The following MAF variants were observed in gnomAD, a reference collection of about 807,000 sequenced individuals.
MAF encodes MAF bZIP transcription factor, also known as transcription factor Maf.
Under a neutral mutation model 22.0 loss-of-function variants are expected in MAF, and 10 were observed. The observed-to-expected ratio is 0.45, with a 90% CI of 0.28 to 0.77. The LOEUF is 0.77. Ranked by LOEUF, MAF falls within the 30% of genes least tolerant of loss-of-function variation. MAF has a pLI of 0.12. For missense variants in MAF, 544 were observed against 548.4 expected (o/e 0.99, Z 0.08); for synonymous variants, 337 against 255.8 (o/e 1.32, Z -3.03).
chr16:79,436,264 G>A, the MAF span, among the ~76,000 whole-genome samples: 3 of 152,232 alleles, frequency 2.0e-5, no homozygotes, highest in South Asian at 6.2e-4. Context: ...TGTATTTTTA[G>A]TAGGGATGAG....
the MAF span, among the ~76,000 whole-genome samples, chr16:79,524,915 G>C: frequency 6.6e-6 from 1 of 152,162 alleles, no homozygotes; most frequent in South Asian, 2.1e-4. Flanking sequence ...CACGCACACA[G>C]ATACAGCCAC....
the MAF span, among the ~76,000 whole-genome samples, chr16:79,478,080 T>C: frequency 6.6e-6 from 1 of 152,148 alleles, no homozygotes; most frequent in East Asian, 1.9e-4. Context: ...CTTTTATAAA[T>C]AAGAAGACTA....
the MAF span, among the ~76,000 whole-genome samples, chr16:79,447,108 A>T: frequency 6.6e-6 from 1 of 152,180 alleles, no homozygotes; most frequent in African/African-American, 2.4e-5. Flanking sequence ...CAAAGTGACA[A>T]CATGGGTGTC....
the MAF span, among the ~76,000 whole-genome samples, chr16:79,435,585 G>C: frequency 6.6e-6 from 1 of 152,160 alleles, no homozygotes. Context: ...GGGAAACTGA[G>C]GCTCAGGAAG....
At chr16:79,476,697 G>T in the MAF span, among the ~76,000 whole-genome samples, 22 of 152,296 alleles carry the variant, frequency 1.4e-4, no homozygotes, top group Middle Eastern at 3.4e-3. Flanking sequence ...CCTATGTTAG[G>T]GGGGAAGGCA....
At chr16:79,370,011 A>T in the MAF span, among the ~76,000 whole-genome samples, 1 of 152,226 alleles carries the variant, frequency 6.6e-6, no homozygotes, top group Non-Finnish European at 1.5e-5. Context: ...GAGGTGACTC[A>T]ACCGGGAGCC....
the MAF span, among the ~76,000 whole-genome samples, chr16:79,208,821 G>C: frequency 6.6e-6 from 1 of 152,174 alleles, no homozygotes; most frequent in Admixed American, 6.5e-5. Flanking sequence ...TCACTCAGAG[G>C]TTGCCATTGG....
At chr16:79,493,899 T>A in the MAF span, among the ~76,000 whole-genome samples, 5 of 150,818 alleles carry the variant, frequency 3.3e-5, no homozygotes, top group Admixed American at 1.3e-4. Flanking sequence ...TGTGTATTCA[T>A]GGAACTGGTT....
the MAF span, among the ~76,000 whole-genome samples, chr16:79,530,006 T>C: frequency 6.6e-6 from 1 of 151,716 alleles, no homozygotes; most frequent in Non-Finnish European, 1.5e-5. Context: ...CAATAGAGGA[T>C]GATGCAAGGT....
the MAF span, among the ~76,000 whole-genome samples, chr16:79,405,254 A>G: frequency 9.2e-5 from 14 of 152,270 alleles, 1 homozygote; most frequent in Admixed American, 5.9e-4. Flanking sequence ...GTGTCTCCCT[A>G]TGTTCTCATG....
At chr16:79,537,829 G>A in the MAF span, among the ~76,000 whole-genome samples, 3 of 152,180 alleles carry the variant, frequency 2.0e-5, no homozygotes, top group African/African-American at 4.8e-5. Context: ...ACCTCAGAAT[G>A]ACAGTCGCCG....
the MAF span, among the ~76,000 whole-genome samples, chr16:79,211,219 G>A: frequency 6.6e-6 from 1 of 152,146 alleles, no homozygotes; most frequent in Middle Eastern, 3.2e-3. Context: ...AAACGATTTG[G>A]TATCGAATTA....
At chr16:79,467,145 G>A in the MAF span, among the ~76,000 whole-genome samples, 1 of 152,074 alleles carries the variant, frequency 6.6e-6, no homozygotes, top group Non-Finnish European at 1.5e-5. Context: ...CCCTTACAGT[G>A]GCCTCCAAGG....
At chr16:79,583,725 G>A (rs1373011558), downstream of MAF, among the ~76,000 whole-genome samples, 1 of 152,208 alleles carries the variant, frequency 6.6e-6, no homozygotes, top group Non-Finnish European at 1.5e-5. Context: ...CAAGATAGAA[G>A]ACAGCCTCAA....
At chr16:79,430,282 G>A in the MAF span, among the ~76,000 whole-genome samples, 8 of 152,228 alleles carry the variant, frequency 5.3e-5, no homozygotes, top group South Asian at 2.1e-4. Flanking sequence ...AGCCTGCTCC[G>A]TTTGGAAAGC....
chr16:79,220,825 G>T, the MAF span, among the ~76,000 whole-genome samples: 1 of 152,168 alleles, frequency 6.6e-6, no homozygotes, highest in Non-Finnish European at 1.5e-5. Context: ...AGAAGAGTAG[G>T]TATGTTTCAC....
the MAF span, among the ~76,000 whole-genome samples, chr16:79,435,195 C>T: frequency 6.6e-6 from 1 of 152,164 alleles, no homozygotes; most frequent in Admixed American, 6.5e-5. Flanking sequence ...TATACACACA[C>T]AGCTGTACAC....
chr16:79,441,550 T>A, the MAF span, among the ~76,000 whole-genome samples: 4 of 152,370 alleles, frequency 2.6e-5, no homozygotes, highest in Non-Finnish European at 5.9e-5. Context: ...AATTTCAATT[T>A]CATAACATTT....
the MAF span, among the ~76,000 whole-genome samples, chr16:79,288,570 G>A: frequency 0.26 from 38,885 of 152,046 alleles, 6,468 homozygotes; most frequent in East Asian, 0.54. Flanking sequence ...TTGAGATACA[G>A]TAATAATCAA....
Sources: gnomAD v4.1 joint callset for allele counts (sites outside exome capture counted in the v4.1 genomes callset) on GRCh38, gnomAD v4.1.1 for gene constraint, MANE v1.5 for transcripts, NCBI Gene and HGNC (gene_info 2026-07-23, HGNC 2026-07-21) for gene names.